Variants in GRAP2 observed in about 807,000 individuals in gnomAD.
GRAP2 encodes the protein GRB2 related adaptor protein 2.
In GRAP2, 31 loss-of-function variants were observed where a neutral mutation model predicts 43.5. That is an observed-to-expected ratio of 0.71 (90% CI 0.54 to 0.96). The LOEUF is 0.96. GRAP2 is among the 40% of genes least tolerant of loss of function. The pLI is 0.00. For missense variants in GRAP2, 371 were observed against 424.4 expected (o/e 0.87, Z 1.11); for synonymous variants, 156 against 164.8 (o/e 0.95, Z 0.41).
rs759344945 is a variant in GRAP2, at chr22:39,968,233, C to T, written c.651C>T (p.Pro217=). The T allele has an allele frequency of 3.7e-6, 6 of 1,602,470 alleles. No homozygotes were observed. Among genetic ancestry groups the T allele is most frequent in the African/African-American group, 1.3e-5 (1 of 74,654 alleles). Residue 217 remains proline (P), a synonymous_variant, in exon 6 of 8, where the codon CCC becomes CCT. Transcript: ENST00000344138. Reference sequence around the variant, plus strand: ...CAGCGCCCCAGCAGCTGCAGCAGCCCCCACAGCAGCGATATCTGCAGCACC... The same window carrying T: ...CAGCGCCCCAGCAGCTGCAGCAGCCTCCACAGCAGCGATATCTGCAGCACC... ...YAPAPQQLQQ[P]PQQRYLQHHH... is the part of the protein sequence containing the mutation.
intron 1 of GRAP2, among the ~76,000 whole-genome samples, chr22:39,937,803 C>T (rs141304860): frequency 6.6e-5 from 10 of 152,182 alleles, no homozygotes; most frequent in Admixed American, 3.3e-4. Context: ...ACCTAAGTCC[C>T]GTAGTAAACC....
chr22:39,930,346 C>T (rs1040229526), intron 1 of GRAP2, among the ~76,000 whole-genome samples: 2 of 152,200 alleles, frequency 1.3e-5, no homozygotes, highest in African/African-American at 2.4e-5. Context: ...ATCCTGGCTC[C>T]ACCATTTTTT....
At chr22:39,968,000 G>A in intron 5 of GRAP2, 42 bp from the exon 6 acceptor site, 1 of 1,590,818 alleles carries the variant, frequency 6.3e-7, no homozygotes, top group Non-Finnish European at 8.6e-7. Flanking sequence ...CAGACGATCA[G>A]AGAGGAGGAT....
chr22:39,942,781 C>G (rs760513822), intron 1 of GRAP2, among the ~76,000 whole-genome samples: 3 of 152,186 alleles, frequency 2.0e-5, no homozygotes, highest in Non-Finnish European at 4.4e-5. Context: ...CAGAGGAAAA[C>G]TTTGTCTCTA....
Position 39,973,548 on chromosome 22 carries a change from C to G in GRAP2, c.*2464C>G, listed in dbSNP as rs1458088301. 1 of 152,246 alleles carries G rather than the reference C, an allele frequency of 6.6e-6. No homozygotes were observed. Among genetic ancestry groups the G allele is most frequent in the Non-Finnish European group, 1.5e-5 (1 of 68,054 alleles). The allele number at this position is 152,246 out of a possible 1,614,324, so 9.4% of individuals were successfully genotyped here. A position where few individuals can be genotyped will look rare whatever the true frequency, so the allele number is the denominator to read the frequency against. ...TACTGAGATGCCAAAGCATCTTTCC[C>G]TTGCTCATCAGCCTCCATTCAGAAG... On this transcript the variant is annotated 3_prime_UTR_variant, in exon 8 of 8. Transcript: ENST00000344138.
chr22:39,955,814 T>A lies in GRAP2; in HGVS notation c.79-5T>A. The A allele has an allele frequency of 6.9e-7, 1 of 1,455,856 alleles. No homozygotes were observed. Among genetic ancestry groups the A allele is most frequent in the Non-Finnish European group, 9.7e-7 (1 of 1,035,596 alleles). 90.2% of individuals were successfully genotyped at this position (1,455,856 alleles called of 1,614,324 possible). A position where few individuals can be genotyped will look rare whatever the true frequency, so the allele number is the denominator to read the frequency against. ...TGTCTTTGTCTTTCCTTTTCTTCCA[T>A]GTAGATTTTAAGTAACCAAGAGGAG... is the stretch of plus-strand genomic sequence containing the variant. On this transcript the variant is annotated splice_region_variant and splice_polypyrimidine_tract_variant and intron_variant, in intron 2 of 7. Transcript: ENST00000344138.
At chr22:39,957,579 C>A (rs777175391) in intron 3 of GRAP2, among the ~76,000 whole-genome samples, 11 of 152,172 alleles carry the variant, frequency 7.2e-5, no homozygotes, top group Non-Finnish European at 1.5e-4. Flanking sequence ...TCATTCCTGT[C>A]AGCAAACACA....
chr22:39,959,562 T>C (rs1422893403), intron 3 of GRAP2, among the ~76,000 whole-genome samples: 1 of 152,126 alleles, frequency 6.6e-6, no homozygotes, highest in African/African-American at 2.4e-5. Context: ...TTTCCTTTAA[T>C]ACCCAGGGAG....
At chr22:39,952,781 G>T (rs954624831) in intron 2 of GRAP2, among the ~76,000 whole-genome samples, 1 of 152,174 alleles carries the variant, frequency 6.6e-6, no homozygotes, top group Non-Finnish European at 1.5e-5. Context: ...AGAGCTGGAG[G>T]CCTCCCTCAT....
chr22:39,947,633 C>T (rs547016285), intron 2 of GRAP2: 130 of 160,230 alleles, frequency 8.1e-4, no homozygotes, highest in African/African-American at 3.0e-3. Flanking sequence ...CTCAGCAGAG[C>T]TGGAACTCAG....
At chr22:39,899,722 C>T (rs112209811), upstream of GRAP2, among the ~76,000 whole-genome samples, 20 of 152,270 alleles carry the variant, frequency 1.3e-4, 1 homozygote, top group African/African-American at 4.8e-4. Context: ...GTGGCTCATG[C>T]CTGTAATCCC....
chr22:39,934,862 C>A (rs906092347), intron 1 of GRAP2, among the ~76,000 whole-genome samples: 6 of 151,856 alleles, frequency 4.0e-5, no homozygotes, highest in Non-Finnish European at 7.4e-5. Context: ...CAGAACAAGA[C>A]CCTATCTAAA....
intron 5 of GRAP2, among the ~76,000 whole-genome samples, chr22:39,967,442 A>G (rs893795958): frequency 6.6e-6 from 1 of 152,236 alleles, no homozygotes; most frequent in African/African-American, 2.4e-5. Flanking sequence ...TGCTGCCCTC[A>G]GGGTCCTACA....
intron 1 of GRAP2, among the ~76,000 whole-genome samples, chr22:39,903,706 AACT>A (rs983269906): frequency 6.6e-6 from 1 of 152,084 alleles, no homozygotes; most frequent in Non-Finnish European, 1.5e-5. Context: ...TGAACTCCTG[AACT>A]CAAGCGATTC....
chr22:39,900,176 A>C (rs952689454), upstream of GRAP2, among the ~76,000 whole-genome samples: 2 of 152,246 alleles, frequency 1.3e-5, no homozygotes, highest in African/African-American at 4.8e-5. Flanking sequence ...GATATAAAGA[A>C]GCAAAGAGAT....
intron 1 of GRAP2, among the ~76,000 whole-genome samples, chr22:39,911,816 A>T (rs538209543): frequency 6.6e-6 from 1 of 152,288 alleles, no homozygotes; most frequent in Admixed American, 6.5e-5. Flanking sequence ...ACCAGCAGCA[A>T]CGGCACCGCC....
upstream of GRAP2, among the ~76,000 whole-genome samples, chr22:39,896,421 G>C (rs1212334563): frequency 6.6e-6 from 1 of 152,186 alleles, no homozygotes; most frequent in Admixed American, 6.5e-5. Context: ...GTAAATGACT[G>C]TTGCTGTTCA....
chr22:39,923,791 G>C (rs566317051), intron 1 of GRAP2, among the ~76,000 whole-genome samples: 20 of 152,332 alleles, frequency 1.3e-4, no homozygotes, highest in African/African-American at 4.8e-4. Flanking sequence ...TCTCCCTGCA[G>C]CTCTACTTCT....
intron 4 of GRAP2, among the ~76,000 whole-genome samples, chr22:39,965,334 C>CT (rs1445560616): frequency 3.3e-5 from 5 of 152,180 alleles, no homozygotes; most frequent in African/African-American, 1.2e-4. Flanking sequence ...GATCACACCA[C>CT]TGCACTCCAG....
Sources: gnomAD v4.1 joint callset for allele counts (sites outside exome capture counted in the v4.1 genomes callset) on GRCh38, gnomAD v4.1.1 for gene constraint, MANE v1.5 for transcripts, NCBI Gene and HGNC (gene_info 2026-07-23, HGNC 2026-07-21) for gene names.